Variants in JAG1 observed in about 807,000 individuals in gnomAD.
The protein encoded by JAG1 is protein jagged-1.
JAG1 carries 23 observed loss-of-function variants against 148.7 expected under a neutral mutation model. The observed-to-expected ratio is 0.15, with a 90% CI of 0.11 to 0.22. The LOEUF (loss-of-function observed/expected upper bound fraction) is 0.22. Among genes scored for constraint, JAG1 ranks in the 10% least tolerant of loss-of-function variants. The pLI, the probability that JAG1 is intolerant of heterozygous loss-of-function variation, is 1.00. For synonymous variants in JAG1, 572 were observed against 598.3 expected, an observed-to-expected ratio of 0.96 and a Z score of 0.64; for missense variants, 1,054 against 1,611.2, an observed-to-expected ratio of 0.65 and a Z score of 5.92.
Position 10,645,186 on chromosome 20 carries a change from C to T in JAG1, c.2184G>A (p.Lys728=). 1 of 1,614,212 alleles carries T rather than the reference C, an allele frequency of 6.2e-7. No homozygotes were observed. Among genetic ancestry groups the T allele is most frequent in the Non-Finnish European group, 8.5e-7 (1 of 1,180,032 alleles). ...CTTCCCAGCCGCCAGGACACATGCA[C>T]TTAAAAGCATCCCCCTCATCATAGC... The part of the protein sequence containing the change: ...GTCYDEGDAF[K]CMCPGGWEGT... Residue 728 remains lysine (K), a synonymous_variant, in exon 17 of 26, where the codon AAG becomes AAA. Transcript: ENST00000254958. This position sits in a 1 kb window ranked among gnomAD's most constrained non-coding sequence, Gnocchi z 6.1.
intron 5 of JAG1, 31 bp from the exon 6 acceptor site, chr20:10,652,629 C>G (rs1436845078): frequency 6.2e-7 from 1 of 1,612,590 alleles, no homozygotes; most frequent in Non-Finnish European, 8.5e-7. Flanking sequence ...TCCAGGTTAG[C>G]CTTTTGAACG....
In JAG1 at chr20:10,647,634, T is replaced by C. The variant is rs546996989; in HGVS notation, c.1720+326A>G. ...ACCGTGCAGATACAGAACATCCCCC[T>C]CTGTCTGCCGTTGCAGGAAGTTCTG... On this transcript the variant is annotated intron_variant, in intron 13 of 25. Coordinates refer to ENST00000254958, the MANE Select transcript of JAG1 (RefSeq NM_000214.3). Among the ~76,000 whole-genome samples the C allele has an allele frequency of 4.6e-5, 7 of 152,344 alleles. 1 individual carries two copies. The South Asian group carries it at 1.5e-3, about 32-fold the overall frequency.
At chr20:10,656,185 GA>G (rs1016580452) in intron 5 of JAG1, among the ~76,000 whole-genome samples, 7 of 152,216 alleles carry the variant, frequency 4.6e-5, no homozygotes, top group Non-Finnish European at 7.3e-5. Context: ...TATGCCCAAA[GA>G]GTTTCTTTTT....
At chr20:10,642,392 C>T (rs1222977901) in intron 21 of JAG1, 96 bp downstream of exon 21, 4 of 743,232 alleles carry the variant, frequency 5.4e-6, no homozygotes, top group Non-Finnish European at 7.3e-6. Context: ...GTTCCCTTCC[C>T]TGAGCACAGT....
intron 5 of JAG1, among the ~76,000 whole-genome samples, chr20:10,655,733 C>T (rs1600187452): frequency 6.6e-6 from 1 of 152,146 alleles, no homozygotes; most frequent in Admixed American, 6.6e-5. Flanking sequence ...CCAAAATAAG[C>T]CTTTTCCAAA....
In JAG1 at chr20:10,648,731, G is replaced by A. The variant is rs780478823; in HGVS notation, c.1396-9C>T. 1.9e-5 allele frequency: 31 copies of A among 1,613,500 alleles called. No homozygotes were observed. The highest frequency in any genetic ancestry group is 2.7e-5 in the African/African-American group (2 of 74,920). On this transcript the variant is annotated splice_polypyrimidine_tract_variant and intron_variant, in intron 11 of 25. Transcript: ENST00000254958. ...TAACCATTAACCAAATCCTAGAAGA[G>A]GAGAAGGGGAGAGAGAGACACATGC... is the stretch of plus-strand genomic sequence containing the variant.
intron 5 of JAG1, among the ~76,000 whole-genome samples, chr20:10,653,067 G>A (rs991007447): frequency 6.6e-6 from 1 of 151,906 alleles, no homozygotes. Flanking sequence ...AAGCCACCAA[G>A]TGCAGCAGGA....
chr20:10,643,031 G>A lies in JAG1; in HGVS notation c.2459-430C>T, dbSNP rs543142074. On this transcript the variant is annotated intron_variant, in intron 20 of 25. Transcript: ENST00000254958. Reference sequence around the variant, plus strand: ...TGTGTGGCTGTGTGCCAAGAAAACTGTATTTATAAAAACAGACAGTGGGCT... The same window carrying A: ...TGTGTGGCTGTGTGCCAAGAAAACTATATTTATAAAAACAGACAGTGGGCT... Among the ~76,000 whole-genome samples, 3 of 152,320 alleles carry A rather than the reference G, an allele frequency of 2.0e-5. No homozygotes were observed. In the East Asian group the frequency reaches 5.8e-4, roughly 29 times the overall value.
chr20:10,653,530 G>T (rs1294501197), intron 5 of JAG1, among the ~76,000 whole-genome samples: 2 of 149,914 alleles, frequency 1.3e-5, no homozygotes, highest in East Asian at 3.9e-4. Context: ...TAACAAGGGT[G>T]GGGGAAGGCA....
rs760470297 is a variant in JAG1, at chr20:10,644,379, T to C, written c.2350A>G (p.Asn784Asp). The stretch of plus-strand genomic sequence containing the variant: ...TACCAGGGATGAGGGCTGCAGTCAT[T>C]GGTATCTGCAAAGAAAAGACAACTT... ...WEGPICAQNT[N>D]DCSPHPCYNS... The change falls in exon 19 of 26, where the codon AAT (asparagine) becomes GAT (aspartate). Residue 784 changes from asparagine to aspartate, a missense_variant. This residue lies in a region of JAG1 where 342 missense variants were observed against 514.6 expected (regional missense o/e 0.66). Transcript: ENST00000254958. The C allele has an allele frequency of 1.8e-5, 29 of 1,613,062 alleles. No individual in the cohort carries two copies. In the African/African-American group the frequency reaches 3.5e-4, roughly 19 times the overall value.
intron 8 of JAG1, chr20:10,650,598 C>G (rs934110084): frequency 2.4e-4 from 128 of 525,640 alleles, no homozygotes; most frequent in African/African-American, 2.3e-3. Flanking sequence ...GGGAGAAAGA[C>G]AGCTGGATAC....
At chr20:10,641,291 G>T (rs760516469) in intron 23 of JAG1, 47 bp from the exon 24 acceptor site, 9 of 1,598,330 alleles carry the variant, frequency 5.6e-6, no homozygotes, top group Non-Finnish European at 7.7e-6. Flanking sequence ...TTGAGAGGAA[G>T]AACAAAAGGC....
chr20:10,640,022 A>G, intron 25 of JAG1, 67 bp from the exon 26 acceptor site: 2 of 1,260,842 alleles, frequency 1.6e-6, no homozygotes, highest in Middle Eastern at 1.8e-4. Context: ...TCGCAGGAAC[A>G]AAAGAATACC....
At position 10,641,713 on chromosome 20, in the gene JAG1, G is replaced by A; in HGVS notation, c.2683-20C>T. Reference sequence around the variant, plus strand: ...CCAGACCTGGAGAAAAACAGAAGCTGGCAGCTTAGCAGGCATGCTCATCCC... The same window carrying A: ...CCAGACCTGGAGAAAAACAGAAGCTAGCAGCTTAGCAGGCATGCTCATCCC... On this transcript the variant is annotated intron_variant, in intron 22 of 25. Transcript: ENST00000254958. 1 of 1,612,712 alleles carries A rather than the reference G, an allele frequency of 6.2e-7. No individual in the cohort carries two copies. Among genetic ancestry groups the A allele is most frequent in the Non-Finnish European group, 8.5e-7 (1 of 1,178,730 alleles).
chr20:10,653,629 A>C (rs1441420401), intron 5 of JAG1, among the ~76,000 whole-genome samples: 1 of 151,660 alleles, frequency 6.6e-6, no homozygotes, highest in African/African-American at 2.4e-5. Context: ...ATGTTTCCAG[A>C]ACGGGACCTG....
At chr20:10,660,177 G>C (rs890138189) in intron 3 of JAG1, among the ~76,000 whole-genome samples, 4 of 152,180 alleles carry the variant, frequency 2.6e-5, no homozygotes, top group Non-Finnish European at 4.4e-5. Flanking sequence ...AGGGACTCCT[G>C]GGTGGCTTCA....
At chr20:10,662,794 C>T (rs1600191087) in intron 3 of JAG1, among the ~76,000 whole-genome samples, 1 of 152,076 alleles carries the variant, frequency 6.6e-6, no homozygotes, top group African/African-American at 2.4e-5. Context: ...GAGGAAGACT[C>T]GAACCTTGGA....
chr20:10,644,543 CTTAG>C (rs1481968689), intron 18 of JAG1, 159 bp from the exon 19 acceptor site: 2 of 704,396 alleles, frequency 2.8e-6, no homozygotes, highest in Non-Finnish European at 5.2e-6. Flanking sequence ...CCGCACCACA[CTTAG>C]TTTCATTTGC....
Position 10,642,473 on chromosome 20 carries a change from G to A in JAG1, c.2572+15C>T. 1.3e-6 allele frequency: 2 copies of A among 1,514,012 alleles called. No individual in the cohort carries two copies. The highest frequency in any genetic ancestry group is 4.5e-5 in the East Asian group (2 of 44,400). The allele number at this position is 1,514,012 out of a possible 1,614,324, so 93.8% of individuals were successfully genotyped here. Reference sequence around the variant, plus strand: ...CCCAGAAGACCCATGGGCAGCTGAAGCCTGGCACACATACCTTCCTGGCAC... The same window carrying A: ...CCCAGAAGACCCATGGGCAGCTGAAACCTGGCACACATACCTTCCTGGCAC... On this transcript the variant is annotated intron_variant, in intron 21 of 25. Coordinates refer to ENST00000254958, the MANE Select transcript of JAG1 (RefSeq NM_000214.3).
Sources: gnomAD v4.1 joint callset for allele counts (sites outside exome capture counted in the v4.1 genomes callset) on GRCh38, gnomAD v4.1.1 for gene constraint, gnomAD v4.1.1 regional missense constraint, Gnocchi (gnomAD v3.1) non-coding constraint, MANE v1.5 for transcripts, NCBI Gene and HGNC (gene_info 2026-07-23, HGNC 2026-07-21) for gene names.